Variants in MYO10 observed in about 807,000 individuals in gnomAD.
MYO10 encodes the protein myosin X, also known as unconventional myosin-X.
A neutral mutation model predicts 257.3 loss-of-function variants in MYO10; 133 were observed. That is an observed-to-expected ratio of 0.52 (90% CI 0.45 to 0.60). The LOEUF (loss-of-function observed/expected upper bound fraction) is 0.60, where lower values mean the gene tolerates loss of function less well. Ranked by LOEUF, MYO10 falls within the 20% of genes least tolerant of loss-of-function variation. MYO10 has a pLI of 0.00. For missense variants in MYO10, 2,399 were observed against 2,635.7 expected, an observed-to-expected ratio of 0.91 and a Z score of 1.97; for synonymous variants, 1,104 against 1,028.6, an observed-to-expected ratio of 1.07 and a Z score of -1.40.
intron 2 of MYO10, among the ~76,000 whole-genome samples, chr5:16,839,618 C>G (rs1467911940): frequency 6.6e-6 from 1 of 152,142 alleles, no homozygotes; most frequent in Non-Finnish European, 1.5e-5. Context: ...TGGCGTATGC[C>G]TGCAGTCCCA....
intron 19 of MYO10, among the ~76,000 whole-genome samples, chr5:16,719,476 T>G (rs1001230796): frequency 3.3e-4 from 50 of 152,230 alleles, no homozygotes; most frequent in Admixed American, 3.0e-3. Context: ...TAACGACTGC[T>G]TCTGCTTTAA....
chr5:16,783,585 G>A, intron 4 of MYO10, 116 bp from the exon 5 acceptor site: 1 of 1,184,118 alleles, frequency 8.4e-7, no homozygotes, highest in Admixed American at 2.7e-5. Context: ...GTGGGAAGAG[G>A]GAGATCAAAA....
In MYO10 at chr5:16,665,002, A is replaced by G. The variant is rs927783366; in HGVS notation, c.*1690T>C. 53 of 152,296 alleles carry G rather than the reference A, an allele frequency of 3.5e-4. No homozygotes were observed. The highest frequency in any genetic ancestry group is 1.3e-3 in the African/African-American group (52 of 41,414). 9.4% of individuals were successfully genotyped at this position (152,296 alleles called of 1,614,324 possible). On this transcript the variant is annotated 3_prime_UTR_variant, in exon 41 of 41. Coordinates refer to ENST00000513610, the MANE Select transcript of MYO10 (RefSeq NM_012334.3). ...TTGGGAGGCTGAGGCAGGTGGATCG[A>G]GACCAGCCTGGCCAACATGGTGAAA...
In MYO10 at chr5:16,683,923, C is replaced by T; in HGVS notation, c.4003G>A (p.Val1335Met). The T allele has an allele frequency of 1.2e-6, 2 of 1,613,660 alleles. No homozygotes were observed. The highest frequency in any genetic ancestry group is 1.7e-6 in the Non-Finnish European group (2 of 1,179,766). The stretch of plus-strand genomic sequence containing the variant: ...GCACACACAGAATCAATCAGCCCCA[C>T]ATCCAAGGTGCCCTGGAAAAGAACA... ...NPQNAVGTLD[V>M]GLIDSVCASD... Residue 1335 changes from valine to methionine, a missense_variant, in exon 30 of 41, where the codon GTG (valine) becomes ATG (methionine). By Grantham distance (21) the Val-to-Met change is conservative (BLOSUM62 1). Coordinates refer to ENST00000513610, the MANE Select transcript of MYO10 (RefSeq NM_012334.3).
chr5:16,802,209 G>A (rs1036590573), intron 3 of MYO10, among the ~76,000 whole-genome samples: 1 of 152,158 alleles, frequency 6.6e-6, no homozygotes, highest in Admixed American at 6.5e-5. Flanking sequence ...TGTTTAATGA[G>A]TATGGATTCA....
chr5:16,852,094 C>G (rs574241861), intron 2 of MYO10, among the ~76,000 whole-genome samples: 108 of 132,226 alleles, frequency 8.2e-4, no homozygotes, highest in Middle Eastern at 4.3e-3. Flanking sequence ...TTACTGATCA[C>G]TGGGAAGGAA....
intron 2 of MYO10, among the ~76,000 whole-genome samples, chr5:16,876,406 T>A (rs890957034): frequency 1.3e-5 from 2 of 152,184 alleles, no homozygotes; most frequent in South Asian, 4.1e-4. Flanking sequence ...GGTGCTCCTA[T>A]AAACAGGAGA....
At position 16,699,523 on chromosome 5, in the gene MYO10, C is replaced by G; in HGVS notation, c.3483G>C (p.Glu1161Asp). 1 of 1,613,710 alleles carries G rather than the reference C, an allele frequency of 6.2e-7. No individual in the cohort carries two copies. The highest frequency in any genetic ancestry group is 8.5e-7 in the Non-Finnish European group (1 of 1,179,826). The change falls in exon 26 of 41, where the codon GAG (glutamate) becomes GAC (aspartate). Residue 1161 changes from glutamate to aspartate, a missense_variant. By Grantham distance (45) the Glu-to-Asp change is conservative. Coordinates refer to ENST00000513610, the MANE Select transcript of MYO10 (RefSeq NM_012334.3). ...DFDSRFDTDD[E>D]LSYRRDSVYS... ...ACACAGAGTCACGCCGGTATGAAAGCTCATCATCTGTATCAAACCTGGAAT... is the reference window on the plus strand; with the variant it reads ...ACACAGAGTCACGCCGGTATGAAAGGTCATCATCTGTATCAAACCTGGAAT...
intron 3 of MYO10, among the ~76,000 whole-genome samples, chr5:16,805,791 A>AC (rs1742258693): frequency 2.6e-5 from 4 of 152,060 alleles, no homozygotes; most frequent in Admixed American, 2.6e-4. Context: ...CACATAACTC[A>AC]CCCCCAAAAT....
intron 1 of MYO10, among the ~76,000 whole-genome samples, chr5:16,923,663 T>C (rs113917820): frequency 1.1e-4 from 16 of 140,718 alleles, no homozygotes; most frequent in African/African-American, 2.6e-4. Flanking sequence ...AACACGCCCA[T>C]ACACACACAC....
At chr5:16,913,910 G>T (rs1163817812) in intron 1 of MYO10, among the ~76,000 whole-genome samples, 1 of 152,148 alleles carries the variant, frequency 6.6e-6, no homozygotes, top group Non-Finnish European at 1.5e-5. Flanking sequence ...GAGGCACCAG[G>T]AGGAGGAATG....
intron 19 of MYO10, among the ~76,000 whole-genome samples, chr5:16,727,192 AC>A (rs1187405660): frequency 1.3e-5 from 2 of 152,214 alleles, no homozygotes; most frequent in South Asian, 4.1e-4. Flanking sequence ...CACAAAAAAA[AC>A]AATTTTTTTT....
At chr5:16,779,770 A>C in intron 8 of MYO10, 122 bp from the exon 9 acceptor site, 1 of 547,250 alleles carries the variant, frequency 1.8e-6, no homozygotes, top group Non-Finnish European at 3.2e-6. Context: ...TCCCATAAAG[A>C]TAATAAAGTT....
chr5:16,812,858 G>A (rs1742482317), intron 3 of MYO10, among the ~76,000 whole-genome samples: 1 of 151,846 alleles, frequency 6.6e-6, no homozygotes, highest in Non-Finnish European at 1.5e-5. Context: ...TTATCAATAC[G>A]GAGCCAAAGA....
chr5:16,687,852 T>C (rs1737320021), intron 28 of MYO10, among the ~76,000 whole-genome samples: 1 of 151,840 alleles, frequency 6.6e-6, no homozygotes, highest in African/African-American at 2.4e-5. Context: ...GAAAAAGACA[T>C]ACATTCAAGT....
chr5:16,767,320 G>T (rs1023750395), intron 10 of MYO10, among the ~76,000 whole-genome samples: 1 of 151,494 alleles, frequency 6.6e-6, no homozygotes, highest in Non-Finnish European at 1.5e-5. Flanking sequence ...ACAGGTGCCC[G>T]CCACCAAGCC....
At position 16,936,048 on chromosome 5, in the gene MYO10, T is replaced by C. The variant is rs1746433886; in HGVS notation, c.-240A>G. 1 of 577,364 alleles carries C rather than the reference T, an allele frequency of 1.7e-6. No homozygotes were observed. Among genetic ancestry groups the C allele is most frequent in the Non-Finnish European group, 3.1e-6 (1 of 323,310 alleles). 35.8% of individuals were successfully genotyped at this position (577,364 alleles called of 1,614,324 possible). A position where few individuals can be genotyped will look rare whatever the true frequency, so the allele number is the denominator to read the frequency against. ...TTTGTCTCTTCTTCCTCCAAGTTCCTCACTACTGGGCGCAGCGCTCGCAAG... is the reference window on the plus strand; with the variant it reads ...TTTGTCTCTTCTTCCTCCAAGTTCCCCACTACTGGGCGCAGCGCTCGCAAG... On this transcript the variant is annotated 5_prime_UTR_variant, in exon 1 of 41. Coordinates refer to ENST00000513610, the MANE Select transcript of MYO10 (RefSeq NM_012334.3).
intron 1 of MYO10, among the ~76,000 whole-genome samples, chr5:16,917,348 C>T (rs1231497774): frequency 6.6e-6 from 1 of 152,074 alleles, no homozygotes; most frequent in East Asian, 1.9e-4. Flanking sequence ...TTTTCTTACC[C>T]TTAACACTAT....
intron 2 of MYO10, among the ~76,000 whole-genome samples, chr5:16,839,983 A>G (rs112236100): frequency 9.1e-4 from 138 of 152,312 alleles, no homozygotes; most frequent in African/African-American, 3.1e-3. Flanking sequence ...AGCTCAGTGG[A>G]AAAGTAAGGA....
Sources: gnomAD v4.1 joint callset for allele counts (sites outside exome capture counted in the v4.1 genomes callset) on GRCh38, gnomAD v4.1.1 for gene constraint, MANE v1.5 for transcripts, NCBI Gene and HGNC (gene_info 2026-07-23, HGNC 2026-07-21) for gene names.